DENND1A: variants seen among roughly 807,000 people sequenced by gnomAD.
DENND1A encodes DENN domain containing 1A.
A neutral mutation model predicts 113.7 loss-of-function variants in DENND1A; 51 were observed. The observed-to-expected ratio is 0.45, with a 90% CI of 0.36 to 0.57. The LOEUF (loss-of-function observed/expected upper bound fraction) is 0.57, where lower values mean the gene tolerates loss of function less well. Among genes scored for constraint, DENND1A ranks in the 20% least tolerant of loss-of-function variants. The pLI is 0.00. For missense variants in DENND1A, 1,258 were observed against 1,395.9 expected (o/e 0.90, Z 1.57); for synonymous variants, 565 against 570.8 (o/e 0.99, Z 0.14).
chr9:123,557,524 C>G, intron 13 of DENND1A, 46 bp downstream of exon 13: 1 of 1,606,424 alleles, frequency 6.2e-7, no homozygotes, highest in Non-Finnish European at 8.5e-7. Context: ...GTATGCTTCT[C>G]AGCCCTGACC....
At chr9:123,397,157 GTTTCC>G (rs746984409) in intron 21 of DENND1A, among the ~76,000 whole-genome samples, 3 of 152,052 alleles carry the variant, frequency 2.0e-5, no homozygotes, top group Non-Finnish European at 4.4e-5. Flanking sequence ...CAATAATTCC[GTTTCC>G]TTTTTCTTTT....
At chr9:123,690,280 A>T (rs144654994) in intron 5 of DENND1A, among the ~76,000 whole-genome samples, 1 of 152,356 alleles carries the variant, frequency 6.6e-6, no homozygotes, top group African/African-American at 2.4e-5. Flanking sequence ...ATGGGATTGT[A>T]GAAAATCTTT....
At chr9:123,844,570 C>T (rs1445317194) in intron 2 of DENND1A, among the ~76,000 whole-genome samples, 1 of 152,078 alleles carries the variant, frequency 6.6e-6, no homozygotes, top group Non-Finnish European at 1.5e-5. Flanking sequence ...AAACCCTAAA[C>T]ATTACCTTAA....
intron 1 of DENND1A, among the ~76,000 whole-genome samples, chr9:123,883,726 G>A (rs1672448001): frequency 6.6e-6 from 1 of 152,126 alleles, no homozygotes; most frequent in African/African-American, 2.4e-5. Flanking sequence ...AAACAAGGAA[G>A]GTTATTCCTC....
intron 13 of DENND1A, among the ~76,000 whole-genome samples, chr9:123,474,275 G>A (rs755719588): frequency 1.3e-5 from 2 of 152,128 alleles, no homozygotes; most frequent in Non-Finnish European, 2.9e-5. Flanking sequence ...GATTACAGGC[G>A]TGAGCCACCT....
At chr9:123,448,085 TC>T (rs2047438916) in intron 18 of DENND1A, among the ~76,000 whole-genome samples, 1 of 152,210 alleles carries the variant, frequency 6.6e-6, no homozygotes, top group African/African-American at 2.4e-5. Flanking sequence ...TAAAATGCCT[TC>T]ACCATTTGTG....
At chr9:123,530,303 T>C (rs1180768829) in intron 13 of DENND1A, among the ~76,000 whole-genome samples, 1 of 151,880 alleles carries the variant, frequency 6.6e-6, no homozygotes, top group Non-Finnish European at 1.5e-5. Flanking sequence ...ATCTTCAGAG[T>C]TCCCGGAGAG....
intron 5 of DENND1A, among the ~76,000 whole-genome samples, chr9:123,681,846 T>C (rs1461328320): frequency 2.0e-5 from 3 of 150,622 alleles, no homozygotes; most frequent in East Asian, 2.0e-4. Flanking sequence ...TCTCCAGTAA[T>C]AGGAACCTGG....
intron 11 of DENND1A, among the ~76,000 whole-genome samples, chr9:123,585,627 C>G (rs965549243): frequency 1.3e-5 from 2 of 152,320 alleles, no homozygotes; most frequent in Admixed American, 6.5e-5. Context: ...CAGGAAGGTA[C>G]AAAAACAGCA....
chr9:123,911,897 T>C (rs1206191672), intron 1 of DENND1A, among the ~76,000 whole-genome samples: 1 of 152,044 alleles, frequency 6.6e-6, no homozygotes, highest in African/African-American at 2.4e-5. Flanking sequence ...GGTTTCACCA[T>C]GTTAGCCAGT....
chr9:123,827,318 T>G (rs1293262150), intron 2 of DENND1A, among the ~76,000 whole-genome samples: 1 of 151,338 alleles, frequency 6.6e-6, no homozygotes, highest in Non-Finnish European at 1.5e-5. Flanking sequence ...AAAGAAGAAC[T>G]AGAATAAGAT....
chr9:123,838,282 G>A (rs1431361803), intron 2 of DENND1A, among the ~76,000 whole-genome samples: 1 of 151,982 alleles, frequency 6.6e-6, no homozygotes, highest in Non-Finnish European at 1.5e-5. Context: ...TCTCTTATGG[G>A]CTCCAGGAAG....
intron 11 of DENND1A, among the ~76,000 whole-genome samples, chr9:123,593,513 GTTA>G (rs1169587178): frequency 6.6e-6 from 1 of 152,036 alleles, no homozygotes; most frequent in Non-Finnish European, 1.5e-5. Context: ...AGTGTCATGT[GTTA>G]TTATCATGCC....
At chr9:123,597,636 A>G (rs190776337) in intron 11 of DENND1A, among the ~76,000 whole-genome samples, 90 of 152,340 alleles carry the variant, frequency 5.9e-4, no homozygotes, top group Non-Finnish European at 8.2e-4. Flanking sequence ...GGGCTATTTA[A>G]TAAGCAGCAG....
chr9:123,403,041 G>A (rs1197085756), intron 21 of DENND1A, among the ~76,000 whole-genome samples: 2 of 152,212 alleles, frequency 1.3e-5, no homozygotes, highest in Non-Finnish European at 2.9e-5. Flanking sequence ...AGGAAGGTGG[G>A]TGGATCCAGT....
At chr9:123,430,623 G>A (rs2046067441) in intron 19 of DENND1A, among the ~76,000 whole-genome samples, 1 of 152,194 alleles carries the variant, frequency 6.6e-6, no homozygotes, top group African/African-American at 2.4e-5. Flanking sequence ...GCTGAATGAT[G>A]AGAACACATG....
chr9:123,712,643 A>G (rs1269017128), intron 5 of DENND1A, among the ~76,000 whole-genome samples: 1 of 152,238 alleles, frequency 6.6e-6, no homozygotes, highest in Non-Finnish European at 1.5e-5. Context: ...GGAAATCTGT[A>G]GCCACTGGTT....
intron 11 of DENND1A, among the ~76,000 whole-genome samples, chr9:123,601,478 T>C (rs866593747): frequency 1.3e-5 from 2 of 152,248 alleles, no homozygotes; most frequent in Non-Finnish European, 2.9e-5. Flanking sequence ...GAGCAGAGCC[T>C]GCTGCGTTTG....
In DENND1A at chr9:123,879,138, C is replaced by T. The variant is rs949222705; in HGVS notation, c.18-117G>A. ...AATCATTAGCTCACAACTTAATGGC[C>T]GTGGAACTTTGGACAAGCTACACTA... On this transcript the variant is annotated intron_variant, in intron 1 of 23. Coordinates refer to ENST00000394215, the MANE Select transcript of DENND1A (RefSeq NM_001352964.2). 1.2e-5 allele frequency: 12 copies of T among 980,146 alleles called. No individual in the cohort carries two copies. In the Admixed American group the frequency reaches 1.3e-4, roughly 10 times the overall value. 60.7% of individuals were successfully genotyped at this position (980,146 alleles called of 1,614,324 possible).
Sources: gnomAD v4.1 joint callset for allele counts (sites outside exome capture counted in the v4.1 genomes callset) on GRCh38, gnomAD v4.1.1 for gene constraint, MANE v1.5 for transcripts, NCBI Gene and HGNC (gene_info 2026-07-23, HGNC 2026-07-21) for gene names.